Variants in NBEA observed in about 807,000 individuals in gnomAD.
The protein encoded by NBEA is lysosomal-trafficking regulator 2.
Under a neutral mutation model 343.4 loss-of-function variants are expected in NBEA, and 44 were observed. That is an observed-to-expected ratio of 0.13 (90% CI 0.10 to 0.16). The LOEUF (loss-of-function observed/expected upper bound fraction) is 0.16. Ranked by LOEUF, NBEA falls within the 10% of genes least tolerant of loss-of-function variation. NBEA has a pLI of 1.00. For missense variants in NBEA, 2,555 were observed against 3,631.3 expected, an observed-to-expected ratio of 0.70 and a Z score of 7.62; for synonymous variants, 1,175 against 1,238.7, an observed-to-expected ratio of 0.95 and a Z score of 1.08.
At chr13:35,592,249 G>C (rs1372057307) in intron 46 of NBEA, among the ~76,000 whole-genome samples, 2 of 152,048 alleles carry the variant, frequency 1.3e-5, no homozygotes, top group African/African-American at 4.8e-5. Context: ...AATGCAAAAA[G>C]GTCTAGTTCA....
chr13:35,193,147 T>C (rs1327712215), intron 30 of NBEA, among the ~76,000 whole-genome samples: 2 of 151,966 alleles, frequency 1.3e-5, no homozygotes, highest in Non-Finnish European at 2.9e-5. Flanking sequence ...TTTAATTCTC[T>C]CCTGATACTT....
intron 17 of NBEA, among the ~76,000 whole-genome samples, chr13:35,129,241 T>A (rs903604650): frequency 2.0e-5 from 3 of 151,802 alleles, no homozygotes; most frequent in African/African-American, 7.3e-5. Flanking sequence ...AAGTGATGAG[T>A]GTAAAAACTA....
intron 1 of NBEA, among the ~76,000 whole-genome samples, chr13:35,001,423 G>A (rs1418682148): frequency 6.6e-6 from 1 of 152,134 alleles, no homozygotes; most frequent in African/African-American, 2.4e-5. Context: ...ATCAACCTAA[G>A]TGTCCATCAG....
chr13:35,062,249 A>T (rs1473646931), intron 8 of NBEA, among the ~76,000 whole-genome samples: 1 of 151,760 alleles, frequency 6.6e-6, no homozygotes, highest in African/African-American at 2.4e-5. Context: ...AATAAGCTGT[A>T]TGGGCTTATT....
chr13:35,649,952 C>A, intron 52 of NBEA, 105 bp downstream of exon 52: 3 of 1,086,482 alleles, frequency 2.8e-6, no homozygotes, highest in Admixed American at 2.7e-5. Context: ...ACATTATCTA[C>A]AAAAAACAGC....
chr13:35,336,483 A>G (rs955872356), intron 36 of NBEA, among the ~76,000 whole-genome samples: 3 of 152,114 alleles, frequency 2.0e-5, no homozygotes, highest in Non-Finnish European at 2.9e-5. Flanking sequence ...TAAAGAGCTT[A>G]AAACAGAATT....
intron 38 of NBEA, among the ~76,000 whole-genome samples, chr13:35,365,869 G>A (rs2152878415): frequency 6.6e-6 from 1 of 151,648 alleles, no homozygotes; most frequent in South Asian, 2.1e-4. Flanking sequence ...CAGTGATATT[G>A]TTCTATATTA....
At chr13:35,522,475 CAAAAAAAAAAAAA>C (rs138270833) in intron 41 of NBEA, among the ~76,000 whole-genome samples, 33 of 42,074 alleles carry the variant, frequency 7.8e-4, no homozygotes, top group South Asian at 6.8e-3. Flanking sequence ...ATACCATCTC[CAAAAAAAAAAAAA>C]AAAAAAAAAA....
chr13:35,275,496 A>T (rs1329419507), intron 34 of NBEA, among the ~76,000 whole-genome samples: 4 of 152,052 alleles, frequency 2.6e-5, no homozygotes, highest in African/African-American at 4.8e-5. Context: ...AAGCCAAAAT[A>T]GACAAATGGG....
chr13:35,618,726 C>G (rs183075245), intron 48 of NBEA, among the ~76,000 whole-genome samples: 38 of 152,172 alleles, frequency 2.5e-4, no homozygotes, highest in Non-Finnish European at 4.4e-4. Context: ...TAGTTCTAAC[C>G]TGATTATAAT....
At chr13:35,190,031 G>A (rs868560842) in intron 30 of NBEA, among the ~76,000 whole-genome samples, 39 of 152,196 alleles carry the variant, frequency 2.6e-4, no homozygotes, top group African/African-American at 8.9e-4. Flanking sequence ...CAGCCACTGA[G>A]GATAGGAGTG....
intron 34 of NBEA, among the ~76,000 whole-genome samples, chr13:35,268,222 C>CA (rs1267424749): frequency 2.0e-5 from 3 of 151,930 alleles, no homozygotes; most frequent in Non-Finnish European, 4.4e-5. Context: ...CCCTTGAGGA[C>CA]ATTAAGCTAA....
Position 35,651,868 on chromosome 13 carries a change from C to T in NBEA, c.8027C>T (p.Pro2676Leu), listed in dbSNP as rs1056796464. ...QAHHLPIEMDPLIANNSGVNK... is the reference protein window; with the variant it reads ...QAHHLPIEMDLLIANNSGVNK... ...CACCATCTTCCCATTGAAATGGATC[C>T]ATTAATAGGTATGTTAATAAAAAAG... Residue 2676 changes from proline (P) to leucine (L), a missense_variant, in exon 53 of 59, where the codon CCA (proline) becomes CTA (leucine). Around this residue, in one of 21 missense-constraint regions of NBEA, gnomAD observed 61 missense variants for 132.1 expected, o/e 0.46. Coordinates refer to ENST00000379939, the MANE Select transcript of NBEA (RefSeq NM_001385012.1). 9.2e-6 allele frequency: 14 copies of T among 1,527,334 alleles called. No homozygotes were observed. In the Admixed American group the frequency reaches 9.8e-5, roughly 11 times the overall value. The allele number at this position is 1,527,334 out of a possible 1,614,324, so 94.6% of individuals were successfully genotyped here.
intron 49 of NBEA, among the ~76,000 whole-genome samples, chr13:35,644,480 C>A (rs374917156): frequency 5.9e-5 from 9 of 152,236 alleles, no homozygotes; most frequent in East Asian, 3.9e-4. Context: ...TTGACTAATT[C>A]CTTCAATAAA....
At chr13:35,162,375 A>G (rs974743482) in intron 23 of NBEA, among the ~76,000 whole-genome samples, 1 of 152,206 alleles carries the variant, frequency 6.6e-6, no homozygotes, top group Non-Finnish European at 1.5e-5. Context: ...GATGGATATA[A>G]GTAGCAAGGG....
intron 41 of NBEA, among the ~76,000 whole-genome samples, chr13:35,497,664 G>C (rs535789084): frequency 1.2e-4 from 18 of 152,074 alleles, no homozygotes; most frequent in African/African-American, 3.6e-4. Context: ...ATAGTACCTT[G>C]CCTGAAGTAC....
At chr13:35,262,077 A>G (rs1352076729) in intron 34 of NBEA, among the ~76,000 whole-genome samples, 2 of 152,188 alleles carry the variant, frequency 1.3e-5, no homozygotes, top group Non-Finnish European at 2.9e-5. Flanking sequence ...GATGGCCAAC[A>G]TCGTTAGCGA....
At chr13:35,533,019 A>C (rs74044726) in intron 41 of NBEA, among the ~76,000 whole-genome samples, 1,675 of 152,242 alleles carry the variant, frequency 0.011, 23 homozygotes, top group African/African-American at 0.038. Flanking sequence ...CATAGAAATA[A>C]AATCACCAAG....
In NBEA at chr13:35,495,222, A is replaced by G. The variant is rs146760545; in HGVS notation, c.6585+22686A>G. Among the ~76,000 whole-genome samples the G allele has an allele frequency of 5.6e-3, 855 of 152,118 alleles. 8 individuals carry two copies. Among genetic ancestry groups the G allele is most frequent in the African/African-American group, 0.018 (746 of 41,552 alleles). On this transcript the variant is annotated intron_variant, in intron 41 of 58. Transcript: ENST00000379939. ...AACCATAAAAGACCTAGAGATGGCTACAATAATATCAGATAAAATAGACTT... is the reference window on the plus strand; with the variant it reads ...AACCATAAAAGACCTAGAGATGGCTGCAATAATATCAGATAAAATAGACTT...
Sources: gnomAD v4.1 joint callset for allele counts (sites outside exome capture counted in the v4.1 genomes callset) on GRCh38, gnomAD v4.1.1 for gene constraint, gnomAD v4.1.1 regional missense constraint, MANE v1.5 for transcripts, NCBI Gene and HGNC (gene_info 2026-07-23, HGNC 2026-07-21) for gene names.